The following R3HDM1 variants were observed in gnomAD, a reference collection of about 807,000 sequenced individuals.
R3HDM1 encodes the protein R3H domain containing 1, also known as R3H domain-containing protein 1.
A neutral mutation model predicts 141.1 loss-of-function variants in R3HDM1; 46 were observed. That is an observed-to-expected ratio of 0.33 (90% confidence interval 0.26 to 0.42). The LOEUF (loss-of-function observed/expected upper bound fraction) is 0.42. Ranked by LOEUF, R3HDM1 falls within the 10% of genes least tolerant of loss-of-function variation. The probability of loss-of-function intolerance (pLI) is 1.00; values close to 1 mark genes in which losing one functional copy is unlikely to be tolerated. For missense variants in R3HDM1, 1,184 were observed against 1,368.3 expected, an observed-to-expected ratio of 0.87 and a Z score of 2.12; for synonymous variants, 435 against 472.9, an observed-to-expected ratio of 0.92 and a Z score of 1.04.
rs538433943 is a variant in R3HDM1 at position 135,625,854 on chromosome 2, A to G, written c.497+3122A>G. 4.3e-4 allele frequency among the ~76,000 whole-genome samples: 65 copies of G among 152,322 alleles called. 1 individual carries two copies. Among genetic ancestry groups the G allele is most frequent in the Admixed American group, 2.9e-3 (44 of 15,298 alleles). Reference sequence around the variant, plus strand: ...ATGTCAGGCCCCAGGAAAAGAATGCAAGCTCCATCCCTCTTCCCCCATACT... The same window carrying G: ...ATGTCAGGCCCCAGGAAAAGAATGCGAGCTCCATCCCTCTTCCCCCATACT... On this transcript the variant is annotated intron_variant, in intron 7 of 26. Coordinates refer to ENST00000683871, the MANE Select transcript of R3HDM1 (RefSeq NM_001378107.1).
chr2:135,647,617 C>T (rs1277906794), intron 16 of R3HDM1, among the ~76,000 whole-genome samples: 2 of 152,158 alleles, frequency 1.3e-5, no homozygotes, highest in African/African-American at 4.8e-5. Context: ...GCTCCAAGTT[C>T]AGGTAATGCA....
chr2:135,711,641 A>C (rs1050894390), intron 23 of R3HDM1, among the ~76,000 whole-genome samples: 3 of 139,218 alleles, frequency 2.2e-5, no homozygotes, highest in African/African-American at 8.2e-5. Flanking sequence ...CCCTAGCAAC[A>C]GAGGGAGACC....
At chr2:135,671,270 G>C (rs924130400) in intron 19 of R3HDM1, among the ~76,000 whole-genome samples, 1 of 151,848 alleles carries the variant, frequency 6.6e-6, no homozygotes, top group African/African-American at 2.4e-5. Context: ...ATTCCAGTCT[G>C]ATGTGATTTG....
chr2:135,594,619 G>A (rs779117611), intron 1 of R3HDM1, among the ~76,000 whole-genome samples: 4 of 151,870 alleles, frequency 2.6e-5, no homozygotes, highest in Non-Finnish European at 5.9e-5. Flanking sequence ...ATAGGTTCGG[G>A]GTAAAAAAGA....
In R3HDM1 at chr2:135,651,882, A is replaced by G. The variant is rs961835707; in HGVS notation, c.1878A>G (p.Pro626=). The part of the protein sequence containing the change: ...SGYIMTAAPP[P]HPPPPPPPPP... ...ATATCATGACAGCAGCCCCTCCACC[A>G]CATCCTCCTCCACCGCCACCACCAC... The change falls in exon 18 of 27, where the codon CCA becomes CCG. Residue 626 remains proline, a synonymous_variant. Coordinates refer to ENST00000683871, the MANE Select transcript of R3HDM1 (RefSeq NM_001378107.1). The G allele has an allele frequency of 2.5e-6, 4 of 1,613,574 alleles. No homozygotes were observed. Among genetic ancestry groups the G allele is most frequent in the African/African-American group, 1.3e-5 (1 of 74,818 alleles).
chr2:135,691,436 A>C (rs1375435131), intron 21 of R3HDM1, among the ~76,000 whole-genome samples: 1 of 152,104 alleles, frequency 6.6e-6, no homozygotes, highest in Non-Finnish European at 1.5e-5. Flanking sequence ...CAACATAGCA[A>C]AACCCCATCT....
At chr2:135,690,530 C>CA (rs746849161) in intron 21 of R3HDM1, among the ~76,000 whole-genome samples, 6 of 152,060 alleles carry the variant, frequency 3.9e-5, no homozygotes, top group African/African-American at 1.4e-4. Flanking sequence ...TTAAACTGAG[C>CA]AAACCAATAT....
chr2:135,563,187 C>T (rs1226306323), intron 1 of R3HDM1, among the ~76,000 whole-genome samples: 2 of 152,192 alleles, frequency 1.3e-5, no homozygotes, highest in South Asian at 2.1e-4. Flanking sequence ...AAATCCTTAG[C>T]ATGGGGAATA....
intron 1 of R3HDM1, among the ~76,000 whole-genome samples, chr2:135,570,042 G>A (rs1345276798): frequency 6.6e-6 from 1 of 152,126 alleles, no homozygotes; most frequent in African/African-American, 2.4e-5. Context: ...CTCTTTTTAA[G>A]TGTTAACTCT....
chr2:135,650,478 C>T (rs566592539), intron 17 of R3HDM1: 2 of 978,262 alleles, frequency 2.0e-6, no homozygotes, highest in African/African-American at 3.5e-5. Flanking sequence ...TAATCTGTGA[C>T]TGTAAAGTAA....
rs573827821 is a variant in R3HDM1 at position 135,548,863 on chromosome 2, C to T, written c.-250+17230C>T. Among the ~76,000 whole-genome samples the T allele has an allele frequency of 2.0e-4, 30 of 152,180 alleles. No individual in the cohort carries two copies. In the South Asian group the frequency reaches 6.2e-3, roughly 32 times the overall value. ...GTAATTTAAGAATGTTTTAAATCTT[C>T]GAATAAGAAATACCTGCTAACATGC... On this transcript the variant is annotated intron_variant, in intron 1 of 26. Transcript: ENST00000683871.
intron 1 of R3HDM1, among the ~76,000 whole-genome samples, chr2:135,540,669 C>A (rs1697288311): frequency 6.6e-6 from 1 of 152,190 alleles, no homozygotes; most frequent in Non-Finnish European, 1.5e-5. Context: ...CCTTCTGCCT[C>A]AGCCTCCCAG....
At chr2:135,649,381 G>A (rs1360100987) in intron 16 of R3HDM1, 4 of 152,160 alleles carry the variant, frequency 2.6e-5, no homozygotes, top group Admixed American at 6.5e-5. Flanking sequence ...ATTGCTAAAA[G>A]TTAGGGGCTT....
chr2:135,589,645 C>T (rs1212262886), intron 1 of R3HDM1, among the ~76,000 whole-genome samples: 1 of 152,118 alleles, frequency 6.6e-6, no homozygotes, highest in Non-Finnish European at 1.5e-5. Flanking sequence ...GTTAACACTG[C>T]TCTACTCATC....
At chr2:135,658,828 A>AT (rs1349379935) in intron 18 of R3HDM1, among the ~76,000 whole-genome samples, 2 of 151,486 alleles carry the variant, frequency 1.3e-5, no homozygotes, top group East Asian at 1.9e-4. Flanking sequence ...TTTCTTTTTA[A>AT]TTTTTTTTAA....
In R3HDM1 at chr2:135,709,449, C is replaced by T. The variant is rs773929138; in HGVS notation, c.2476C>T (p.Leu826=). ...TTTCCATAGCTCTTCAGTAGGTTAC[C>T]TGCAACATCCAGGATCAGAACAAGT... ...QNNLSSSVGY[L]QHPGSEQVQF... is the part of the protein sequence containing the mutation. Residue 826 remains leucine (L), a synonymous_variant, in exon 22 of 27, where the codon CTG becomes TTG. Coordinates refer to ENST00000683871, the MANE Select transcript of R3HDM1 (RefSeq NM_001378107.1). The T allele has an allele frequency of 1.9e-6, 3 of 1,614,106 alleles. No homozygotes were observed. In the South Asian group the frequency reaches 3.3e-5, roughly 18 times the overall value.
chr2:135,588,862 A>G (rs1279009460), intron 1 of R3HDM1, among the ~76,000 whole-genome samples: 1 of 152,116 alleles, frequency 6.6e-6, no homozygotes, highest in East Asian at 1.9e-4. Context: ...TTTTTATACC[A>G]TCTGTATTTT....
chr2:135,699,045 A>ATTGATAGATT lies in R3HDM1; in HGVS notation c.2460-10388_2460-10387insTTGATAGATT, dbSNP rs202144929. Reference sequence around the variant, plus strand: ...TAGATAGATAGATAGATAGATAGATAAGATAGATAAGATAGATTGATTAGA... The same window carrying ATTGATAGATT: ...TAGATAGATAGATAGATAGATAGATATTGATAGATTAGATAGATAAGATAGATTGATTAGA... On this transcript the variant is annotated intron_variant, in intron 21 of 26. Coordinates refer to ENST00000683871, the MANE Select transcript of R3HDM1 (RefSeq NM_001378107.1). Among the ~76,000 whole-genome samples, 66 of 129,890 alleles carry ATTGATAGATT rather than the reference A, an allele frequency of 5.1e-4. 1 individual carries two copies. Among genetic ancestry groups the ATTGATAGATT allele is most frequent in the African/African-American group, 2.0e-3 (62 of 30,312 alleles). 85.2% of individuals were successfully genotyped at this position (129,890 alleles called of 152,430 possible).
At position 135,644,360 on chromosome 2, in the gene R3HDM1, G is replaced by A. The variant is rs147114779; in HGVS notation, c.1475-1019G>A. Among the ~76,000 whole-genome samples, 190 of 151,816 alleles carry A rather than the reference G, an allele frequency of 1.3e-3. 2 individuals are homozygous for A. The East Asian group carries it at 0.018, about 14-fold the overall frequency. On this transcript the variant is annotated intron_variant, in intron 15 of 26. Transcript: ENST00000683871. Reference sequence around the variant, plus strand: ...TCTACTAAAAATGTAAAAATTAGCCGGGCGTGGTGGCAGGTGCCTATAATC... The same window carrying A: ...TCTACTAAAAATGTAAAAATTAGCCAGGCGTGGTGGCAGGTGCCTATAATC...
Sources: gnomAD v4.1 joint callset for allele counts (sites outside exome capture counted in the v4.1 genomes callset) on GRCh38, gnomAD v4.1.1 for gene constraint, MANE v1.5 for transcripts, NCBI Gene and HGNC (gene_info 2026-07-23, HGNC 2026-07-21) for gene names.